Variants in ATP11C observed in about 807,000 individuals in gnomAD.
ATP11C encodes the protein phospholipid-transporting ATPase IG.
A neutral mutation model predicts 97.4 loss-of-function variants in ATP11C; 36 were observed. The observed-to-expected ratio is 0.37, with a 90% confidence interval of 0.28 to 0.49. The LOEUF (loss-of-function observed/expected upper bound fraction) is 0.49, where lower values mean the gene tolerates loss of function less well. ATP11C is among the 20% of genes least tolerant of loss of function. The pLI, the probability that ATP11C is intolerant of heterozygous loss-of-function variation, is 0.98. For missense variants in ATP11C, 730 were observed against 824.6 expected, an observed-to-expected ratio of 0.89 and a Z score of 1.40; for synonymous variants, 275 against 290.9, an observed-to-expected ratio of 0.95 and a Z score of 0.56.
chrX:139,865,057 A>T (rs1426506417), intron 1 of ATP11C, among the ~76,000 whole-genome samples: 1 of 112,248 alleles, frequency 8.9e-6, no homozygotes, highest in Admixed American at 9.5e-5. Flanking sequence ...AATCAAAGTC[A>T]AAGCTCAAAA....
At chrX:139,770,280 T>C (rs1417875677) in intron 19 of ATP11C, among the ~76,000 whole-genome samples, 6 of 112,207 alleles carry the variant, frequency 5.3e-5, no homozygotes, top group Admixed American at 9.4e-5. Flanking sequence ...AGATAATCAA[T>C]GGTTGATGTC....
intron 1 of ATP11C, among the ~76,000 whole-genome samples, chrX:139,849,098 A>G (rs1039727256): frequency 9.0e-6 from 1 of 111,287 alleles, no homozygotes; most frequent in African/African-American, 3.3e-5. Flanking sequence ...TCCCTTAGAA[A>G]ATCAGGGTCA....
In ATP11C at chrX:139,897,807, A is replaced by T. The variant is rs535238135; in HGVS notation, c.27+34209T>A. Among the ~76,000 whole-genome samples the T allele has an allele frequency of 6.4e-5, 7 of 109,786 alleles. No homozygotes were observed. The South Asian group carries it at 2.7e-3, about 43-fold the overall frequency. ...ATTTAGCCAGGCGTGGTGGCACGTGACTGTAGTCCCAGCTACTCAGGAGGC... is the reference window on the plus strand; with the variant it reads ...ATTTAGCCAGGCGTGGTGGCACGTGTCTGTAGTCCCAGCTACTCAGGAGGC... On this transcript the variant is annotated intron_variant, in intron 1 of 29. Transcript: ENST00000682941.
chrX:139,781,867 C>T (rs1357653115), intron 18 of ATP11C, among the ~76,000 whole-genome samples: 1 of 111,726 alleles, frequency 9.0e-6, no homozygotes. Context: ...AAAATCTTAC[C>T]CCTTTGTCTA....
At chrX:139,748,328 A>G (rs1308383544) in intron 24 of ATP11C, among the ~76,000 whole-genome samples, 1 of 110,082 alleles carries the variant, frequency 9.1e-6, no homozygotes, top group Non-Finnish European at 1.9e-5. Context: ...AGAGGCTTTC[A>G]GCCCAGGTGT....
At chrX:139,873,703 A>G (rs1431518603) in intron 1 of ATP11C, among the ~76,000 whole-genome samples, 11 of 84,880 alleles carry the variant, frequency 1.3e-4, no homozygotes, top group Middle Eastern at 5.3e-3. Flanking sequence ...CGAGACTCCA[A>G]CTCAAAAAAA....
At chrX:139,866,180 C>T (rs2084278914) in intron 1 of ATP11C, among the ~76,000 whole-genome samples, 1 of 108,623 alleles carries the variant, frequency 9.2e-6, no homozygotes, top group South Asian at 4.1e-4. Context: ...CCTGTCTCTA[C>T]TAAAAATACA....
intron 6 of ATP11C, among the ~76,000 whole-genome samples, chrX:139,803,908 C>T (rs1481281180): frequency 9.3e-6 from 1 of 107,477 alleles, no homozygotes; most frequent in African/African-American, 3.4e-5. Flanking sequence ...ACCATGTTGG[C>T]CAGGCTGGTT....
chrX:139,845,126 G>A (rs2083890398), intron 1 of ATP11C, among the ~76,000 whole-genome samples: 1 of 111,181 alleles, frequency 9.0e-6, no homozygotes, highest in Non-Finnish European at 1.9e-5. Flanking sequence ...TCCCATCACC[G>A]ATAAGCCTCA....
intron 1 of ATP11C, among the ~76,000 whole-genome samples, chrX:139,833,912 C>T (rs1302629032): frequency 9.0e-6 from 1 of 111,338 alleles, no homozygotes; most frequent in Non-Finnish European, 1.9e-5. Flanking sequence ...AACAGAAACA[C>T]CCAGAAATCA....
chrX:139,886,905 T>TAA (rs201511379), intron 1 of ATP11C, among the ~76,000 whole-genome samples: 8 of 103,841 alleles, frequency 7.7e-5, no homozygotes, highest in East Asian at 6.0e-4. Context: ...AACAATTTTG[T>TAA]AAAAAAAAAA....
chrX:139,914,316 C>T (rs1347638240), intron 1 of ATP11C, among the ~76,000 whole-genome samples: 1 of 112,375 alleles, frequency 8.9e-6, no homozygotes, highest in Non-Finnish European at 1.9e-5. Context: ...CTGAGCCTTA[C>T]AGACCATCTA....
intron 27 of ATP11C, among the ~76,000 whole-genome samples, chrX:139,739,643 A>G (rs1374275409): frequency 8.9e-6 from 1 of 112,127 alleles, no homozygotes; most frequent in African/African-American, 3.2e-5. Context: ...AGGTGTGACA[A>G]TACCATAATC....
At chrX:139,912,085 G>C (rs754923671) in intron 1 of ATP11C, among the ~76,000 whole-genome samples, 1 of 99,747 alleles carries the variant, frequency 1.0e-5, no homozygotes, top group Non-Finnish European at 2.0e-5. Context: ...TGAGGCAGGC[G>C]AATCGCTTGA....
intron 1 of ATP11C, among the ~76,000 whole-genome samples, chrX:139,861,803 C>G (rs2084203746): frequency 9.0e-6 from 1 of 110,785 alleles, no homozygotes; most frequent in South Asian, 3.8e-4. Context: ...CACACACACC[C>G]TCTTCATCCA....
chrX:139,898,698 T>C (rs1255359729), intron 1 of ATP11C, among the ~76,000 whole-genome samples: 1 of 111,793 alleles, frequency 8.9e-6, no homozygotes, highest in Non-Finnish European at 1.9e-5. Context: ...ATTTGAAACA[T>C]GTCAACTGCA....
intron 23 of ATP11C, among the ~76,000 whole-genome samples, chrX:139,751,719 AAAAC>A (rs1266014491): frequency 9.0e-5 from 10 of 111,014 alleles, no homozygotes; most frequent in African/African-American, 3.3e-4. Flanking sequence ...GAATATCCCC[AAAAC>A]AAACAGATAA....
At chrX:139,740,255 T>C (rs186744037) in intron 27 of ATP11C, among the ~76,000 whole-genome samples, 16 of 111,813 alleles carry the variant, frequency 1.4e-4, no homozygotes, top group Admixed American at 5.7e-4. Flanking sequence ...TATATGTTTT[T>C]GGGAGTAAAG....
At chrX:139,803,685 C>CTTTTTTTTTTTTTTTTTTT (rs140315105) in intron 6 of ATP11C, among the ~76,000 whole-genome samples, 1 of 38,259 alleles carries the variant, frequency 2.6e-5, no homozygotes, top group African/African-American at 1.0e-4. Context: ...TACACCCTAT[C>CTTTTTTTTTTTTTTTTTTT]TTTTTTTTTT....
Sources: allele counts gnomAD v4.1 joint callset (sites outside exome capture counted in the v4.1 genomes callset), GRCh38; gene constraint gnomAD v4.1.1; transcripts MANE v1.5; gene names NCBI Gene and HGNC (gene_info 2026-07-23, HGNC 2026-07-21).